Variants in PCDHGB4 observed in about 807,000 individuals in gnomAD.
PCDHGB4 encodes the protein protocadherin gamma-B4.
Under a neutral mutation model 60.5 loss-of-function variants are expected in PCDHGB4, and 38 were observed. That is an observed-to-expected ratio of 0.63 (90% CI 0.48 to 0.82). The LOEUF (loss-of-function observed/expected upper bound fraction) is 0.82. Among genes scored for constraint, PCDHGB4 ranks in the 40% least tolerant of loss-of-function variants. The pLI is 0.00. For missense variants in PCDHGB4, 1,109 were observed against 1,209.6 expected, an observed-to-expected ratio of 0.92 and a Z score of 1.23; for synonymous variants, 456 against 509.7, an observed-to-expected ratio of 0.89 and a Z score of 1.42.
rs113065470 is a variant in PCDHGB4 at position 141,401,000 on chromosome 5, C to A, written c.2397+10719C>A. 4.1e-3 allele frequency among the ~76,000 whole-genome samples: 629 copies of A among 152,216 alleles called. 6 individuals are homozygous for A. The highest frequency in any genetic ancestry group is 0.014 in the African/African-American group (590 of 41,530). On this transcript the variant is annotated intron_variant, in intron 1 of 3. Coordinates refer to ENST00000519479, the MANE Select transcript of PCDHGB4 (RefSeq NM_003736.4). ...TGTTCCTCATATATGCTTTCTTATT[C>A]CTACCTAATGGATTTATGATTTTTT...
Position 141,489,079 on chromosome 5 carries a change from C to CCCCA in PCDHGB4, c.2398-5727_2398-5726insCCAC. ...CTCCCCTCCCCCCTGCCCACCCCCGCCACTCGGTGACTAAGAACTGCTGCA... is the reference window on the plus strand; with the variant it reads ...CTCCCCTCCCCCCTGCCCACCCCCGCCCCACACTCGGTGACTAAGAACTGCTGCA... On this transcript the variant is annotated intron_variant, in intron 1 of 3. Transcript: ENST00000519479. This position sits in a 1 kb window ranked among gnomAD's most constrained non-coding sequence, Gnocchi z 4.5. The CCCCA allele has an allele frequency of 9.1e-6, 3 of 329,992 alleles. No homozygotes were observed. Among genetic ancestry groups the CCCCA allele is most frequent in the African/African-American group, 2.4e-5 (1 of 41,312 alleles). The allele number at this position is 329,992 out of a possible 1,614,324, so 20.4% of individuals were successfully genotyped here.
intron 1 of PCDHGB4, chr5:141,421,226 C>A (rs368125665): frequency 3.7e-5 from 58 of 1,584,718 alleles, no homozygotes; most frequent in Non-Finnish European, 4.6e-5. Context: ...TTAGAGCCTG[C>A]CATGGCGAAT....
intron 1 of PCDHGB4, chr5:141,422,140 C>CG (rs1369033587): frequency 6.3e-7 from 1 of 1,586,656 alleles, no homozygotes; most frequent in Non-Finnish European, 8.5e-7. Context: ...AGTTCAAGTA[C>CG]GGGGGTCTCT....
chr5:141,415,980 T>C, intron 1 of PCDHGB4: 1 of 348,656 alleles, frequency 2.9e-6, no homozygotes, highest in Non-Finnish European at 4.8e-6. Context: ...TAAGCAACCC[T>C]CTTGTTCTGA....
rs200512171 is a variant in PCDHGB4, at chr5:141,418,143, T to C, written c.2397+27862T>C. ...AAGGACCGAATAGACCGTGAGCAAA[T>C]ATGCAAAGAGAGAAGAAGATGTGAG... On this transcript the variant is annotated intron_variant, in intron 1 of 3. Transcript: ENST00000519479. 2.6e-4 allele frequency: 419 copies of C among 1,613,982 alleles called. 1 individual carries two copies. In the African/African-American group the frequency reaches 5.2e-3, roughly 20 times the overall value.
intron 1 of PCDHGB4, chr5:141,420,099 C>G: frequency 2.5e-6 from 4 of 1,613,996 alleles, no homozygotes; most frequent in Non-Finnish European, 3.4e-6. Context: ...AGTGAGGGAA[C>G]GTTGCCCTAT....
Position 141,486,390 on chromosome 5 carries a change from C to G in PCDHGB4, c.2398-8417C>G. 6.2e-7 allele frequency: 1 copy of G among 1,614,138 alleles called. No individual in the cohort carries two copies. The highest frequency in any genetic ancestry group is 8.5e-7 in the Non-Finnish European group (1 of 1,179,996). Reference sequence around the variant, plus strand: ...AAGTCTGCCTTCAGGAACCAGTTCTCCCTGGTGACTGCTGGACCCTTGGAT... The same window carrying G: ...AAGTCTGCCTTCAGGAACCAGTTCTGCCTGGTGACTGCTGGACCCTTGGAT... On this transcript the variant is annotated intron_variant, in intron 1 of 3. Coordinates refer to ENST00000519479, the MANE Select transcript of PCDHGB4 (RefSeq NM_003736.4). This position sits in a 1 kb window ranked among gnomAD's most constrained non-coding sequence, Gnocchi z 5.0.
chr5:141,463,308 A>G (rs1233755540), intron 1 of PCDHGB4, among the ~76,000 whole-genome samples: 1 of 151,660 alleles, frequency 6.6e-6, no homozygotes, highest in Admixed American at 6.6e-5. Context: ...CCAAACTCTA[A>G]TATCTATTCC....
intron 1 of PCDHGB4, 58 bp downstream of exon 1, chr5:141,390,339 C>T: frequency 6.3e-7 from 1 of 1,591,234 alleles, no homozygotes; most frequent in Non-Finnish European, 8.6e-7. Flanking sequence ...TCCATATTCA[C>T]AAGAAAATAT....
At chr5:141,418,908 C>A in intron 1 of PCDHGB4, 1 of 1,613,932 alleles carries the variant, frequency 6.2e-7, no homozygotes, top group South Asian at 1.1e-5. Flanking sequence ...ATAATCATCA[C>A]GTCACTCTCT....
At chr5:141,459,723 T>G (rs1024452676) in intron 1 of PCDHGB4, among the ~76,000 whole-genome samples, 3 of 152,254 alleles carry the variant, frequency 2.0e-5, no homozygotes, top group African/African-American at 7.2e-5. Context: ...ATGCTTCCTA[T>G]TGTCAATTTT....
intron 3 of PCDHGB4, among the ~76,000 whole-genome samples, chr5:141,509,345 G>A (rs1203328830): frequency 6.6e-6 from 1 of 152,196 alleles, no homozygotes; most frequent in Non-Finnish European, 1.5e-5. Flanking sequence ...GGCCTGGGCT[G>A]GCCTGGGCAT....
chr5:141,405,838 T>C (rs1561702145), intron 1 of PCDHGB4, among the ~76,000 whole-genome samples: 4 of 152,300 alleles, frequency 2.6e-5, no homozygotes, highest in Admixed American at 2.0e-4. Flanking sequence ...TAGTATAAGT[T>C]GATATCAGTG....
intron 2 of PCDHGB4, among the ~76,000 whole-genome samples, chr5:141,502,024 C>T (rs2099812413): frequency 2.0e-5 from 3 of 152,152 alleles, no homozygotes; most frequent in Admixed American, 1.3e-4. Context: ...TCCCTGCAAC[C>T]CCCGCCGCTT....
At chr5:141,455,920 C>T (rs941360102) in intron 1 of PCDHGB4, among the ~76,000 whole-genome samples, 1 of 147,944 alleles carries the variant, frequency 6.8e-6, no homozygotes, top group Non-Finnish European at 1.5e-5. Context: ...TATTTTGAGA[C>T]GGAGTCTCGC....
intron 1 of PCDHGB4, chr5:141,413,189 G>T: frequency 1.2e-6 from 2 of 1,606,972 alleles, no homozygotes; most frequent in Middle Eastern, 1.7e-4. Flanking sequence ...GCCGCTCAAA[G>T]GAATCGCTCA....
intron 1 of PCDHGB4, among the ~76,000 whole-genome samples, chr5:141,405,886 CCAACACTGAAAGGAGG>C (rs1168478788): frequency 1.3e-5 from 2 of 152,086 alleles, no homozygotes; most frequent in African/African-American, 4.8e-5. Context: ...AATTGTTGCT[CCAACACTGAAAGGAGG>C]CATTTATTAG....
intron 1 of PCDHGB4, chr5:141,422,466 G>T: frequency 1.2e-6 from 2 of 1,613,528 alleles, no homozygotes; most frequent in Non-Finnish European, 1.7e-6. Flanking sequence ...TGCTGGACAG[G>T]GAGTTGGTCC....
chr5:141,447,449 C>A (rs2098539583), intron 1 of PCDHGB4, among the ~76,000 whole-genome samples: 1 of 152,058 alleles, frequency 6.6e-6, no homozygotes, highest in Non-Finnish European at 1.5e-5. Flanking sequence ...AAATTTTTAA[C>A]CTCAGTTTTT....
Sources: allele counts gnomAD v4.1 joint callset (sites outside exome capture counted in the v4.1 genomes callset), GRCh38; gene constraint gnomAD v4.1.1; non-coding constraint Gnocchi (gnomAD v3.1); transcripts MANE v1.5; gene names NCBI Gene and HGNC (gene_info 2026-07-23, HGNC 2026-07-21).